The following PVRIG variants were observed in gnomAD, a reference collection of about 807,000 sequenced individuals.
PVRIG encodes the protein transmembrane protein PVRIG.
Under a neutral mutation model 21.9 loss-of-function variants are expected in PVRIG, and 16 were observed. The ratio of observed to expected loss-of-function variants is 0.73; its 90% confidence interval spans 0.50 to 1.11. PVRIG has a LOEUF of 1.11. Among genes scored for constraint, PVRIG ranks in the 50% most tolerant of loss-of-function variants. The pLI is 0.00. For synonymous variants in PVRIG, 190 were observed against 181.0 expected, an observed-to-expected ratio of 1.05 and a Z score of -0.40; for missense variants, 435 against 445.7, an observed-to-expected ratio of 0.98 and a Z score of 0.22.
chr7:100,220,707 A>G lies in PVRIG; in HGVS notation c.596+34A>G, dbSNP rs763296728. The G allele has an allele frequency of 3.1e-6, 5 of 1,608,602 alleles. No individual in the cohort carries two copies. In the Admixed American group the frequency reaches 6.7e-5, roughly 21 times the overall value. On this transcript the variant is annotated intron_variant, in intron 4 of 5. Transcript: ENST00000317271. ...TGGTCCCTGTCCACGTCCCCCTGAC[A>G]CTGGGATGGCCACATGCCCTGCAGA... is the stretch of plus-strand genomic sequence containing the variant.
intron 1 of PVRIG, chr7:100,219,675 C>T: frequency 1.7e-6 from 1 of 593,848 alleles, no homozygotes; most frequent in Non-Finnish European, 3.0e-6. Context: ...TCCTTCTAGC[C>T]CCTGACAGCT....
chr7:100,221,073 C>T (rs368612634), exon 6 of PVRIG: 103 of 1,613,866 alleles, frequency 6.4e-5, no homozygotes, highest in Non-Finnish European at 8.6e-5. Flanking sequence ...GCACACCGGC[C>T]CCAGGGCCCT....
intron 1 of PVRIG, chr7:100,219,581 C>G (rs911315304): frequency 2.5e-6 from 1 of 407,242 alleles, no homozygotes; most frequent in Non-Finnish European, 4.5e-6. Context: ...GGGCTTTCTC[C>G]TCCGATTCCT....
chr7:100,220,424 C>T, exon 3 of PVRIG: 1 of 1,605,534 alleles, frequency 6.2e-7, no homozygotes, highest in Admixed American at 1.7e-5. Context: ...CTGAGGGCTC[C>T]TGGGAGGCCT....
At chr7:100,220,056 G>A in intron 2 of PVRIG, 28 bp downstream of exon 1, 1 of 1,604,592 alleles carries the variant, frequency 6.2e-7, no homozygotes, top group Non-Finnish European at 8.5e-7. Context: ...AGAGGGGCAG[G>A]GGCTGCAGGG....
At position 100,220,749 on chromosome 7, in the gene PVRIG, C is replaced by T. The variant is rs376454018; in HGVS notation, c.597-11C>T. The stretch of plus-strand genomic sequence containing the variant: ...CCCTGCAGAGCTCTGACCATCCTTG[C>T]TCTCTCCCAGCCCTGCCCCTAGGCT... On this transcript the variant is annotated splice_polypyrimidine_tract_variant and intron_variant, in intron 4 of 5. Transcript: ENST00000317271. 1.9e-6 allele frequency: 3 copies of T among 1,606,292 alleles called. No individual in the cohort carries two copies. The highest frequency in any genetic ancestry group is 2.7e-5 in the African/African-American group (2 of 74,862).
chr7:100,219,721 A>C, exon 2 of PVRIG: 1 of 633,472 alleles, frequency 1.6e-6, no homozygotes, highest in Middle Eastern at 4.3e-4. Context: ...AGGCCTAGCC[A>C]GGGCTGGGTT....
chr7:100,221,311 A>C, exon 6 of PVRIG: 2 of 1,333,308 alleles, frequency 1.5e-6, no homozygotes, highest in Non-Finnish European at 2.0e-6. Flanking sequence ...TCACCCCCTT[A>C]CTTTAATTCT....
chr7:100,220,406 G>A (rs779826227), exon 3 of PVRIG: 159 of 1,596,996 alleles, frequency 1.0e-4, no homozygotes, highest in Admixed American at 2.3e-4. Context: ...GCAAGTTTGC[G>A]TCCTTCCCTG....
At chr7:100,221,116 T>C in exon 6 of PVRIG, 1 of 1,613,980 alleles carries the variant, frequency 6.2e-7, no homozygotes, top group Non-Finnish European at 8.5e-7. Context: ...TCCCTGCACG[T>C]GGCAGCTTTG....
chr7:100,220,871 G>A, intron 5 of PVRIG, 51 bp downstream of exon 4: 1 of 1,600,240 alleles, frequency 6.2e-7, no homozygotes, highest in Non-Finnish European at 8.5e-7. Context: ...AGGGGCAGGG[G>A]GGCCAGGGCT....
chr7:100,220,701 C>A, intron 4 of PVRIG, 28 bp downstream of exon 3: 1 of 1,609,252 alleles, frequency 6.2e-7, no homozygotes, highest in Non-Finnish European at 8.5e-7. Context: ...TCCACGTCCC[C>A]CTGACACTGG....
At chr7:100,220,154 C>T (rs373639944) in exon 3 of PVRIG, 27 of 1,598,330 alleles carry the variant, frequency 1.7e-5, no homozygotes, top group Admixed American at 8.6e-5. Context: ...TGGAGGCCAC[C>T]GAGCTCTCGT....
In PVRIG at chr7:100,220,015, G is replaced by C. The variant is rs578156722; in HGVS notation, c.105G>C (p.Leu35Phe). 2.1e-4 allele frequency: 342 copies of C among 1,604,574 alleles called. 4 individuals carry two copies. The South Asian group carries it at 3.5e-3, about 17-fold the overall frequency. Reference sequence around the variant, plus strand: ...TCCTGCCCTGGGTGCTGCTGACCTTGTGTGTCACTGCGGGTGAGTGCCGGC... The same window carrying C: ...TCCTGCCCTGGGTGCTGCTGACCTTCTGTGTCACTGCGGGTGAGTGCCGGC... Residue 35 changes from leucine (L) to phenylalanine (F), a missense_variant, in exon 2 of 6, where the codon TTG becomes TTC. Coordinates refer to ENST00000317271, the Ensembl canonical transcript of PVRIG.
exon 6 of PVRIG, chr7:100,221,204 G>C (rs750413431): frequency 6.2e-7 from 1 of 1,607,680 alleles, no homozygotes; most frequent in South Asian, 1.1e-5. Flanking sequence ...TCTTTTCCCT[G>C]ACCCTCGGGG....
At position 100,220,887 on chromosome 7, in the gene PVRIG, C is replaced by T. The variant is rs762248694; in HGVS notation, c.658-41C>T. ...GGGGCAGGGGGGCCAGGGCTGGGCC[C>T]AAGCTGTGCAGACTCACTTGACCCT... On this transcript the variant is annotated intron_variant, in intron 5 of 5. Transcript: ENST00000317271. 24 of 1,593,018 alleles carry T rather than the reference C, an allele frequency of 1.5e-5. No individual in the cohort carries two copies. In the South Asian group the frequency reaches 2.6e-4, roughly 17 times the overall value.
At chr7:100,221,338 G>A in exon 6 of PVRIG, 2 of 1,129,260 alleles carry the variant, frequency 1.8e-6, no homozygotes, top group Non-Finnish European at 2.4e-6. Context: ...TCCAATAAGT[G>A]TCCCATAGGT....
intron 4 of PVRIG, 22 bp from the exon 4 acceptor site, chr7:100,220,738 G>C (rs1803179215): frequency 1.2e-6 from 2 of 1,606,628 alleles, no homozygotes; most frequent in African/African-American, 2.7e-5. Flanking sequence ...GCAGAGCTCT[G>C]ACCATCCTTG....
chr7:100,221,132 G>A (rs1168408929), exon 6 of PVRIG: 2 of 1,613,824 alleles, frequency 1.2e-6, no homozygotes, highest in South Asian at 1.1e-5. Context: ...CTTTGTCTCT[G>A]TTGAGAATGG....
Sources: allele counts gnomAD v4.1 joint callset, GRCh38; gene constraint gnomAD v4.1.1; transcripts MANE v1.5; gene names NCBI Gene and HGNC (gene_info 2026-07-23, HGNC 2026-07-21).